EIF3B: variants seen among roughly 807,000 people sequenced by gnomAD.
The protein encoded by EIF3B is eukaryotic translation initiation factor 3 subunit B, also known as eukaryotic translation initiation factor 3 subunit 9.
In EIF3B, 10 loss-of-function variants were observed where a neutral mutation model predicts 104.6. The ratio of observed to expected loss-of-function variants is 0.10; its 90% confidence interval spans 0.06 to 0.16. EIF3B has a LOEUF of 0.16. Among genes scored for constraint, EIF3B ranks in the 10% least tolerant of loss-of-function variants. The pLI is 1.00. For synonymous variants in EIF3B, 542 were observed against 417.2 expected (o/e 1.30, Z -3.65); for missense variants, 1,014 against 1,087.9 (o/e 0.93, Z 0.96).
chr7:2,378,977 C>T, intron 16 of EIF3B, 157 bp from the exon 17 acceptor site: 1 of 757,562 alleles, frequency 1.3e-6, no homozygotes, highest in Non-Finnish European at 2.2e-6. Flanking sequence ...GGGTGGGGGG[C>T]AGCGTTGGGG....
intron 1 of EIF3B, among the ~76,000 whole-genome samples, chr7:2,360,174 G>A (rs567098656): frequency 3.9e-4 from 60 of 152,318 alleles, no homozygotes; most frequent in African/African-American, 9.9e-4. Flanking sequence ...CAGTTCACTC[G>A]AGAGAGGGTT....
chr7:2,357,875 T>G (rs567538548), intron 1 of EIF3B, among the ~76,000 whole-genome samples: 46 of 152,314 alleles, frequency 3.0e-4, no homozygotes, highest in African/African-American at 1.1e-3. Flanking sequence ...GTTGAGCTTT[T>G]TATTGCAGCC....
At chr7:2,371,020 A>C (rs559073970) in intron 10 of EIF3B, among the ~76,000 whole-genome samples, 1 of 152,070 alleles carries the variant, frequency 6.6e-6, no homozygotes. Flanking sequence ...CCGAGATTGC[A>C]CCACTGCACT....
chr7:2,370,693 G>A (rs900890402), intron 10 of EIF3B, among the ~76,000 whole-genome samples: 5 of 152,006 alleles, frequency 3.3e-5, no homozygotes, highest in African/African-American at 4.8e-5. Flanking sequence ...TGGCTCCCCC[G>A]GGGTGGGAGG....
chr7:2,354,123 G>A (rs1377089761), upstream of EIF3B: 3 of 152,278 alleles, frequency 2.0e-5, no homozygotes. Context: ...CGGCGGCCTC[G>A]GATGGACTGA....
intron 8 of EIF3B, 197 bp downstream of exon 8, chr7:2,366,788 T>A: frequency 1.3e-6 from 1 of 793,018 alleles, no homozygotes; most frequent in Non-Finnish European, 2.0e-6. Context: ...GGCGCAGCCG[T>A]GGGAAGTCCT....
At chr7:2,365,333 G>A (rs1779948051) in intron 6 of EIF3B, among the ~76,000 whole-genome samples, 2 of 152,050 alleles carry the variant, frequency 1.3e-5, no homozygotes, top group South Asian at 2.1e-4. Context: ...TGTGAGGCGA[G>A]CTGGGGCCAC....
chr7:2,361,007 C>T (rs993456135), intron 2 of EIF3B, 105 bp downstream of exon 2: 8 of 914,170 alleles, frequency 8.8e-6, no homozygotes, highest in South Asian at 7.1e-5. Flanking sequence ...TGCCCAGGCA[C>T]GTGGGCCGTT....
At chr7:2,372,542 C>G (rs895090237) in intron 11 of EIF3B, 131 bp from the exon 12 acceptor site, 6 of 1,167,678 alleles carry the variant, frequency 5.1e-6, no homozygotes, top group Non-Finnish European at 7.2e-6. Context: ...TGCTTGCTCT[C>G]CCGTCCTTTT....
chr7:2,369,553 G>T lies in EIF3B; in HGVS notation c.1485G>T (p.Leu495=), dbSNP rs767051167. 1 of 1,614,156 alleles carries T rather than the reference G, an allele frequency of 6.2e-7. No individual in the cohort carries two copies. Among genetic ancestry groups the T allele is most frequent in the Non-Finnish European group, 8.5e-7 (1 of 1,180,038 alleles). The change falls in exon 10 of 19, where the codon CTG becomes CTT. Residue 495 remains leucine, a synonymous_variant. Coordinates refer to ENST00000360876, the MANE Select transcript of EIF3B (RefSeq NM_001037283.2). ...EDKDIPARVT[L]MQLPTRQEIR... is the part of the protein sequence containing the mutation. ...AAGATATTCCAGCCAGGGTAACCCTGATGCAGCTCCCTACCAGGCAAGAGA... is the reference window on the plus strand; with the variant it reads ...AAGATATTCCAGCCAGGGTAACCCTTATGCAGCTCCCTACCAGGCAAGAGA...
At chr7:2,365,102 G>A (rs919654549) in intron 6 of EIF3B, among the ~76,000 whole-genome samples, 1 of 152,204 alleles carries the variant, frequency 6.6e-6, no homozygotes, top group Non-Finnish European at 1.5e-5. Flanking sequence ...GCAGGCACAC[G>A]CCATGACATA....
Position 2,380,439 on chromosome 7 carries a change from T to C in EIF3B, c.*250T>C, listed in dbSNP as rs766946683. On this transcript the variant is annotated 3_prime_UTR_variant, in exon 19 of 19. Coordinates refer to ENST00000360876, the MANE Select transcript of EIF3B (RefSeq NM_001037283.2). Reference sequence around the variant, plus strand: ...GCCCCTGGTGTCTGCAGTGGGGGATTTAAGGCACCCGCTTCCACTTCTTTC... The same window carrying C: ...GCCCCTGGTGTCTGCAGTGGGGGATCTAAGGCACCCGCTTCCACTTCTTTC... 4 of 514,980 alleles carry C rather than the reference T, an allele frequency of 7.8e-6. No individual in the cohort carries two copies. The East Asian group carries it at 2.2e-4, about 28-fold the overall frequency. 31.9% of individuals were successfully genotyped at this position (514,980 alleles called of 1,614,324 possible). A position where few individuals can be genotyped will look rare whatever the true frequency, so the allele number is the denominator to read the frequency against.
chr7:2,358,674 C>T (rs1779582691), intron 1 of EIF3B, among the ~76,000 whole-genome samples: 1 of 151,930 alleles, frequency 6.6e-6, no homozygotes, highest in African/African-American at 2.4e-5. Flanking sequence ...TTACAGGCAC[C>T]CACCACCATG....
chr7:2,374,279 C>T (rs1015890343), intron 12 of EIF3B: 40 of 390,766 alleles, frequency 1.0e-4, no homozygotes, highest in Non-Finnish European at 1.4e-4. Context: ...TGTCCAGTTA[C>T]CTCAGGAAAT....
chr7:2,372,545 G>A (rs766072419), intron 11 of EIF3B, 128 bp from the exon 12 acceptor site: 120 of 1,201,360 alleles, frequency 1.0e-4, no homozygotes, highest in Admixed American at 3.0e-4. Flanking sequence ...TTGCTCTCCC[G>A]TCCTTTTAAT....
chr7:2,374,495 G>A (rs373374614), intron 12 of EIF3B, 33 bp from the exon 13 acceptor site: 112 of 1,609,992 alleles, frequency 7.0e-5, no homozygotes, highest in Non-Finnish European at 9.2e-5. Context: ...GGAAGCCCTC[G>A]CAGCTCGTGA....
intron 4 of EIF3B, 112 bp downstream of exon 4, chr7:2,363,239 G>A (rs1016626693): frequency 4.5e-5 from 51 of 1,124,498 alleles, no homozygotes; most frequent in Non-Finnish European, 5.9e-5. Context: ...GATCGCTTAA[G>A]CCCAGGAATT....
At chr7:2,379,021 C>T in intron 16 of EIF3B, 113 bp from the exon 17 acceptor site, 1 of 890,748 alleles carries the variant, frequency 1.1e-6, no homozygotes, top group Non-Finnish European at 1.8e-6. Context: ...GCCATTCCTG[C>T]TTGAGTGCCT....
At chr7:2,366,827 A>T (rs1005479661) in intron 8 of EIF3B, 172 bp from the exon 9 acceptor site, 77 of 824,284 alleles carry the variant, frequency 9.3e-5, no homozygotes, top group Non-Finnish European at 1.5e-4. Context: ...TGGGCTTCAG[A>T]ACTGCAGTTC....
Sources: allele counts gnomAD v4.1 joint callset (sites outside exome capture counted in the v4.1 genomes callset), GRCh38; gene constraint gnomAD v4.1.1; transcripts MANE v1.5; gene names NCBI Gene and HGNC (gene_info 2026-07-23, HGNC 2026-07-21).